The following MACROD2 variants were observed in gnomAD, a reference collection of about 807,000 sequenced individuals.
The protein encoded by MACROD2 is mono-ADP ribosylhydrolase 2.
MACROD2 carries 36 observed loss-of-function variants against 70.4 expected under a neutral mutation model. The ratio of observed to expected loss-of-function variants is 0.51; its 90% CI spans 0.39 to 0.68. The LOEUF (loss-of-function observed/expected upper bound fraction) is 0.68. Ranked by LOEUF, MACROD2 falls within the 30% of genes least tolerant of loss-of-function variation. MACROD2 has a pLI of 0.00. For missense variants in MACROD2, 496 were observed against 538.4 expected (o/e 0.92, Z 0.78); for synonymous variants, 172 against 178.8 (o/e 0.96, Z 0.30).
chr20:14,661,860 A>G (rs115910235), intron 4 of MACROD2, among the ~76,000 whole-genome samples: 2 of 152,100 alleles, frequency 1.3e-5, no homozygotes, highest in African/African-American at 2.4e-5. Context: ...CCCAAGTGAC[A>G]TGGAAGTGAC....
At position 16,018,429 on chromosome 20, in the gene MACROD2, A is replaced by G. The variant is rs904986097; in HGVS notation, c.1154-22772A>G. ...CATACTCTTTATAGTAGCTGTTTCA[A>G]TGTTCCCCATTCTCTCTCTCTCTTT... On this transcript the variant is annotated intron_variant, in intron 15 of 17. Transcript: ENST00000684519. Among the ~76,000 whole-genome samples, 12 of 152,080 alleles carry G rather than the reference A, an allele frequency of 7.9e-5. No homozygotes were observed. The South Asian group carries it at 8.3e-4, about 10-fold the overall frequency.
chr20:14,394,323 T>C (rs2083559345), intron 3 of MACROD2, among the ~76,000 whole-genome samples: 1 of 152,250 alleles, frequency 6.6e-6, no homozygotes, highest in South Asian at 2.1e-4. Context: ...GTATAGGTCT[T>C]ATATCTTTTG....
intron 4 of MACROD2, among the ~76,000 whole-genome samples, chr20:14,636,892 C>A (rs555087921): frequency 6.6e-6 from 1 of 151,978 alleles, no homozygotes; most frequent in Non-Finnish European, 1.5e-5. Flanking sequence ...CTGATACTGA[C>A]GGAGTCTGTT....
intron 6 of MACROD2, among the ~76,000 whole-genome samples, chr20:15,256,976 A>C (rs1363571270): frequency 1.3e-5 from 2 of 152,002 alleles, no homozygotes; most frequent in Admixed American, 1.3e-4. Context: ...AAACACACTA[A>C]AAAGTGTGTT....
intron 4 of MACROD2, chr20:14,627,210 A>G (rs1337078127): frequency 6.6e-6 from 1 of 152,200 alleles, no homozygotes; most frequent in Non-Finnish European, 1.5e-5. Context: ...CCCTACAGAA[A>G]TGAGACATCC....
intron 4 of MACROD2, among the ~76,000 whole-genome samples, chr20:14,593,421 A>T (rs1449044541): frequency 6.6e-6 from 1 of 152,224 alleles, no homozygotes; most frequent in Non-Finnish European, 1.5e-5. Flanking sequence ...GAATATAATT[A>T]GCATACTCAG....
At chr20:15,653,543 G>C (rs1364841469) in intron 8 of MACROD2, among the ~76,000 whole-genome samples, 3 of 152,178 alleles carry the variant, frequency 2.0e-5, no homozygotes, top group Admixed American at 6.5e-5. Context: ...GGTTGGCTCA[G>C]TCATAAAAGT....
At chr20:15,499,011 G>T (rs2047332693) in intron 7 of MACROD2, among the ~76,000 whole-genome samples, 1 of 152,148 alleles carries the variant, frequency 6.6e-6, no homozygotes, top group African/African-American at 2.4e-5. Context: ...TATATACATT[G>T]ATAAGGTTAT....
At chr20:15,131,819 T>G (rs2076107830) in intron 5 of MACROD2, among the ~76,000 whole-genome samples, 1 of 151,948 alleles carries the variant, frequency 6.6e-6, no homozygotes, top group South Asian at 2.1e-4. Context: ...AAACATTACA[T>G]TTAGAATGTA....
In MACROD2 at chr20:14,326,916, A is replaced by C. The variant is rs186300031; in HGVS notation, c.272-166563A>C. ...GAACCAGGCGTTTTAGACTAGTGAG[A>C]CCTTGAAGAGATGGTGATGAAATAG... On this transcript the variant is annotated intron_variant, in intron 3 of 17. Transcript: ENST00000684519. This position sits in a 1 kb window ranked among gnomAD's most constrained non-coding sequence, Gnocchi z 5.5. 90 of 1,613,802 alleles carry C rather than the reference A, an allele frequency of 5.6e-5. No individual in the cohort carries two copies. In the East Asian group the frequency reaches 1.9e-3, roughly 34 times the overall value.
At chr20:14,513,535 TTTA>T (rs1437283593) in intron 4 of MACROD2, among the ~76,000 whole-genome samples, 1 of 152,000 alleles carries the variant, frequency 6.6e-6, no homozygotes, top group East Asian at 1.9e-4. Flanking sequence ...GATGAAAAAA[TTTA>T]AAGTTTATAA....
Position 14,326,306 on chromosome 20 carries a change from G to GT in MACROD2, c.272-167173_272-167172insT. ...TTTCTTGAGGGACTCCCTGTGGTTT[G>GT]GTGATCCTTAGTGAGCTTGGGGTTC... On this transcript the variant is annotated intron_variant, in intron 3 of 17. Transcript: ENST00000684519. This position sits in a 1 kb window ranked among gnomAD's most constrained non-coding sequence, Gnocchi z 5.5. The GT allele has an allele frequency of 6.2e-7, 1 of 1,613,906 alleles. No homozygotes were observed. Among genetic ancestry groups the GT allele is most frequent in the Non-Finnish European group, 8.5e-7 (1 of 1,179,868 alleles).
At chr20:14,468,841 A>G (rs909453254) in intron 3 of MACROD2, among the ~76,000 whole-genome samples, 3 of 152,062 alleles carry the variant, frequency 2.0e-5, no homozygotes, top group Non-Finnish European at 4.4e-5. Context: ...GTGTCATTAC[A>G]TGGGTCTCCT....
intron 6 of MACROD2, among the ~76,000 whole-genome samples, chr20:15,262,371 A>T (rs1016857392): frequency 1.3e-5 from 2 of 152,028 alleles, no homozygotes; most frequent in African/African-American, 4.8e-5. Flanking sequence ...GTTGTAAATG[A>T]CAGGATCTCA....
chr20:15,558,358 T>C (rs1256136252), intron 8 of MACROD2, among the ~76,000 whole-genome samples: 1 of 152,262 alleles, frequency 6.6e-6, no homozygotes, highest in Non-Finnish European at 1.5e-5. Context: ...CCTTCCCTCC[T>C]GCACTGAAAT....
At chr20:15,148,684 G>GT (rs1677349260) in intron 5 of MACROD2, among the ~76,000 whole-genome samples, 1 of 152,014 alleles carries the variant, frequency 6.6e-6, no homozygotes, top group South Asian at 2.1e-4. Flanking sequence ...ATAAAAAGGA[G>GT]TGTCTATACA....
intron 5 of MACROD2, among the ~76,000 whole-genome samples, chr20:15,069,306 A>C (rs1361082554): frequency 6.6e-6 from 1 of 152,230 alleles, no homozygotes; most frequent in African/African-American, 2.4e-5. Context: ...GCAGAGCTTA[A>C]AAATTTGGAA....
chr20:16,020,469 T>C (rs573775697), intron 15 of MACROD2, among the ~76,000 whole-genome samples: 1 of 151,838 alleles, frequency 6.6e-6, no homozygotes, highest in Admixed American at 6.6e-5. Flanking sequence ...TTACTTTGGC[T>C]TGTAATCACA....
rs1175231377 is a variant in MACROD2, at chr20:14,294,877, C to T, written c.272-198602C>T. Reference sequence around the variant, plus strand: ...AAGCAAGTTTTCTTTTTTACCATACCTGGCAATTTTATTAATGTCTTACCT... The same window carrying T: ...AAGCAAGTTTTCTTTTTTACCATACTTGGCAATTTTATTAATGTCTTACCT... On this transcript the variant is annotated intron_variant, in intron 3 of 17. Transcript: ENST00000684519. Among the ~76,000 whole-genome samples, 6 of 151,466 alleles carry T rather than the reference C, an allele frequency of 4.0e-5. No homozygotes were observed. In the East Asian group the frequency reaches 5.8e-4, roughly 15 times the overall value.
Sources: gnomAD v4.1 joint callset for allele counts (sites outside exome capture counted in the v4.1 genomes callset) on GRCh38, gnomAD v4.1.1 for gene constraint, Gnocchi (gnomAD v3.1) non-coding constraint, MANE v1.5 for transcripts, NCBI Gene and HGNC (gene_info 2026-07-23, HGNC 2026-07-21) for gene names.